CACNB2: variants seen among roughly 807,000 people sequenced by gnomAD.
The protein encoded by CACNB2 is calcium voltage-gated channel auxiliary subunit beta 2, also known as voltage-dependent L-type calcium channel subunit beta-2.
CACNB2 carries 42 observed loss-of-function variants against 73.3 expected under a neutral mutation model. The observed-to-expected ratio is 0.57, with a 90% CI of 0.45 to 0.74. CACNB2 has a LOEUF of 0.74. Ranked by LOEUF, CACNB2 falls within the 30% of genes least tolerant of loss-of-function variation. The pLI, the probability that CACNB2 is intolerant of heterozygous loss-of-function variation, is 0.00. For synonymous variants in CACNB2, 348 were observed against 310.3 expected, an observed-to-expected ratio of 1.12 and a Z score of -1.28; for missense variants, 940 against 853.0, an observed-to-expected ratio of 1.10 and a Z score of -1.27.
intron 2 of CACNB2, among the ~76,000 whole-genome samples, chr10:18,209,814 G>T (rs2035243937): frequency 6.6e-6 from 1 of 152,032 alleles, no homozygotes; most frequent in Admixed American, 6.6e-5. Context: ...TCTCTGGACA[G>T]GTTTAATAGG....
chr10:18,258,627 G>C (rs1044988375), intron 2 of CACNB2, among the ~76,000 whole-genome samples: 7 of 152,182 alleles, frequency 4.6e-5, no homozygotes, highest in Non-Finnish European at 5.9e-5. Context: ...TCAGGAGCCT[G>C]AGGAAGGAGA....
At chr10:18,174,305 T>TTCCC (rs879483153) in intron 2 of CACNB2, among the ~76,000 whole-genome samples, 5,460 of 134,046 alleles carry the variant, frequency 0.041, 150 homozygotes, top group Middle Eastern at 0.081. Context: ...CCTTCCTTCC[T>TTCCC]TCCCTCCCTC....
intron 2 of CACNB2, among the ~76,000 whole-genome samples, chr10:18,397,193 G>A (rs986442533): frequency 6.6e-5 from 10 of 152,170 alleles, no homozygotes; most frequent in African/African-American, 2.4e-4. Context: ...GTGGCCAGGT[G>A]TAGTGGCTCA....
At chr10:18,398,402 C>T (rs2043819245) in intron 2 of CACNB2, among the ~76,000 whole-genome samples, 1 of 152,092 alleles carries the variant, frequency 6.6e-6, no homozygotes, top group African/African-American at 2.4e-5. Context: ...AGGTGGCTCA[C>T]ACCTGTAAAC....
At chr10:18,508,861 G>A (rs943045135) in intron 6 of CACNB2, among the ~76,000 whole-genome samples, 4 of 152,186 alleles carry the variant, frequency 2.6e-5, no homozygotes, top group Admixed American at 6.5e-5. Flanking sequence ...TGTATGTCAA[G>A]GACCGTCTGT....
intron 2 of CACNB2, among the ~76,000 whole-genome samples, chr10:18,182,624 C>T (rs111512190): frequency 0.085 from 12,954 of 151,598 alleles, 648 homozygotes; most frequent in East Asian, 0.12. Flanking sequence ...GAGTTTGAGA[C>T]CAGCCTGGGC....
chr10:18,357,745 A>G (rs960312732), intron 2 of CACNB2, among the ~76,000 whole-genome samples: 18 of 152,216 alleles, frequency 1.2e-4, no homozygotes, highest in Admixed American at 3.9e-4. Context: ...GAGGAGGTGC[A>G]CATCCATCTT....
chr10:18,271,117 T>C (rs1288558152), intron 2 of CACNB2, among the ~76,000 whole-genome samples: 2 of 152,226 alleles, frequency 1.3e-5, no homozygotes, highest in African/African-American at 4.8e-5. Context: ...TTTGTGATGG[T>C]ATAAGTGTTC....
At chr10:18,148,520 C>T (rs1027382993) in intron 1 of CACNB2, among the ~76,000 whole-genome samples, 1 of 152,152 alleles carries the variant, frequency 6.6e-6, no homozygotes, top group Non-Finnish European at 1.5e-5. Flanking sequence ...GAACAGCCAC[C>T]TCCTCTGTGA....
rs1589786324 is a variant in CACNB2, at chr10:18,541,087, A to C, written c.*1363A>C. On this transcript the variant is annotated 3_prime_UTR_variant, in exon 14 of 14. Coordinates refer to ENST00000324631, the MANE Select transcript of CACNB2 (RefSeq NM_201596.3). ...AGCTTGTGGAATTATTTCGTGGGAA[A>C]ATAAATTTTTATAACTTCTCCCACT... 1 of 152,710 alleles carries C rather than the reference A, an allele frequency of 6.5e-6. No homozygotes were observed. The highest frequency in any genetic ancestry group is 2.1e-4 in the South Asian group (1 of 4,820). 9.5% of individuals were successfully genotyped at this position (152,710 alleles called of 1,614,324 possible).
At chr10:18,218,611 G>A (rs980363945) in intron 2 of CACNB2, among the ~76,000 whole-genome samples, 1 of 152,216 alleles carries the variant, frequency 6.6e-6, no homozygotes, top group Non-Finnish European at 1.5e-5. Context: ...GCAGGGCACA[G>A]TGGCTCATGC....
At chr10:18,261,013 G>GA in intron 2 of CACNB2, 1 of 1,404,678 alleles carries the variant, frequency 7.1e-7, no homozygotes, top group African/African-American at 1.4e-5. Context: ...TTGCAAATAG[G>GA]AAACCCCCTT....
chr10:18,352,854 T>C (rs960235796), intron 2 of CACNB2, among the ~76,000 whole-genome samples: 1 of 152,222 alleles, frequency 6.6e-6, no homozygotes, highest in Non-Finnish European at 1.5e-5. Flanking sequence ...TTTGTATCAA[T>C]AAAAGCTGTG....
chr10:18,436,109 A>C (rs1334116552), intron 3 of CACNB2, among the ~76,000 whole-genome samples: 1 of 152,250 alleles, frequency 6.6e-6, no homozygotes, highest in East Asian at 1.9e-4. Flanking sequence ...GGAATGTTTT[A>C]AAAGATAAAA....
intron 2 of CACNB2, among the ~76,000 whole-genome samples, chr10:18,272,982 G>A (rs2038121371): frequency 6.6e-6 from 1 of 152,148 alleles, no homozygotes; most frequent in African/African-American, 2.4e-5. Flanking sequence ...GAATCTCAGG[G>A]ATGGATCCTG....
intron 3 of CACNB2, among the ~76,000 whole-genome samples, chr10:18,442,232 C>G (rs957814540): frequency 1.3e-5 from 2 of 152,044 alleles, no homozygotes; most frequent in African/African-American, 4.8e-5. Flanking sequence ...TCACTGCAAC[C>G]TCCGCCTCCT....
chr10:18,288,676 T>TATACACACACACACACACACACACACAC (rs1554785394), intron 2 of CACNB2, among the ~76,000 whole-genome samples: 47 of 144,422 alleles, frequency 3.3e-4, no homozygotes, highest in African/African-American at 1.2e-3. Flanking sequence ...ATGAGATTTA[T>TATACACACACACACACACACACACACAC]ACACACACAC....
At chr10:18,379,060 G>A (rs2042913476) in intron 2 of CACNB2, among the ~76,000 whole-genome samples, 1 of 152,082 alleles carries the variant, frequency 6.6e-6, no homozygotes, top group Non-Finnish European at 1.5e-5. Context: ...TCTTCTGTGT[G>A]TCAGTTTTTT....
chr10:18,244,416 T>A (rs2036782506), intron 2 of CACNB2, among the ~76,000 whole-genome samples: 1 of 152,214 alleles, frequency 6.6e-6, no homozygotes, highest in Non-Finnish European at 1.5e-5. Context: ...TGGGGATCCC[T>A]AAAGGATATG....
Sources: allele counts gnomAD v4.1 joint callset (sites outside exome capture counted in the v4.1 genomes callset), GRCh38; gene constraint gnomAD v4.1.1; transcripts MANE v1.5; gene names NCBI Gene and HGNC (gene_info 2026-07-23, HGNC 2026-07-21).